The following NRK variants were observed in gnomAD, a reference collection of about 807,000 sequenced individuals.
The protein encoded by NRK is Nik related kinase, also known as nik-related protein kinase.
In NRK, 67 loss-of-function variants were observed where a neutral mutation model predicts 125.2. The ratio of observed to expected loss-of-function variants is 0.54; its 90% CI spans 0.44 to 0.66. The LOEUF (loss-of-function observed/expected upper bound fraction) is 0.66, where lower values mean the gene tolerates loss of function less well. Ranked by LOEUF, NRK falls within the 30% of genes least tolerant of loss-of-function variation. NRK has a pLI of 0.00. For synonymous variants in NRK, 458 were observed against 429.0 expected, an observed-to-expected ratio of 1.07 and a Z score of -0.84; for missense variants, 1,224 against 1,192.9, an observed-to-expected ratio of 1.03 and a Z score of -0.38.
At chrX:105,939,280 A>AT (rs1406347895) in intron 22 of NRK, among the ~76,000 whole-genome samples, 42 of 111,848 alleles carry the variant, frequency 3.8e-4, no homozygotes, top group African/African-American at 1.3e-3. Context: ...GAAATGTGTG[A>AT]TTTTTTCATG....
intron 22 of NRK, among the ~76,000 whole-genome samples, chrX:105,938,608 C>G (rs754132276): frequency 8.5e-4 from 95 of 111,798 alleles, no homozygotes; most frequent in African/African-American, 3.0e-3. Context: ...TCCTCTAACC[C>G]AAATATGTTC....
intron 2 of NRK, among the ~76,000 whole-genome samples, chrX:105,850,453 T>C (rs1016781259): frequency 8.9e-6 from 1 of 112,474 alleles, no homozygotes; most frequent in African/African-American, 3.2e-5. Context: ...TTGTTACTTA[T>C]GCAAATCTGC....
chrX:105,858,352 C>A (rs2039558457), intron 2 of NRK, among the ~76,000 whole-genome samples: 2 of 105,935 alleles, frequency 1.9e-5, no homozygotes, highest in Admixed American at 1.0e-4. Flanking sequence ...CCTCAGTAAA[C>A]CTGACCAAAA....
chrX:105,844,094 A>C (rs1199589394), intron 2 of NRK, among the ~76,000 whole-genome samples: 1 of 106,360 alleles, frequency 9.4e-6, no homozygotes, highest in Non-Finnish European at 1.9e-5. Context: ...CCCATGTCCT[A>C]GGAAACCACT....
At position 105,909,671 on chromosome X, in the gene NRK, A is replaced by C. The variant is rs1301645772; in HGVS notation, c.2030A>C (p.Gln677Pro). Reference protein sequence around the residue: ...ENLSSNRFYSQPEQAREKKSK... With the variant: ...ENLSSNRFYSPPEQAREKKSK... ...CTGTCATCAAATAGGTTTTACTCAC[A>C]ACCAGAACAGGCACGGGAGAAAAAA... is the stretch of plus-strand genomic sequence containing the variant. Residue 677 changes from glutamine (Q) to proline (P), a missense_variant, in exon 13 of 29, where the codon CAA becomes CCA. Physicochemically the swap from Gln to Pro is moderately conservative, Grantham distance 76. Coordinates refer to ENST00000243300, the MANE Select transcript of NRK (RefSeq NM_198465.4). The C allele has an allele frequency of 8.4e-7, 1 of 1,192,752 alleles. No individual in the cohort carries two copies. The highest frequency in any genetic ancestry group is 1.8e-5 in the African/African-American group (1 of 56,640).
chrX:105,862,074 G>GATCTATCTATCT (rs67834006), intron 2 of NRK, among the ~76,000 whole-genome samples: 3 of 107,067 alleles, frequency 2.8e-5, no homozygotes, highest in Admixed American at 9.8e-5. Context: ...TCTATCTATT[G>GATCTATCTATCT]ATCTATCTAT....
At chrX:105,925,471 T>C (rs190239718) in intron 19 of NRK, among the ~76,000 whole-genome samples, 11 of 111,088 alleles carry the variant, frequency 9.9e-5, no homozygotes, top group African/African-American at 3.3e-4. Flanking sequence ...ATATCCTCTC[T>C]CCTAGCTATT....
chrX:105,931,688 A>G (rs557952444), intron 19 of NRK, among the ~76,000 whole-genome samples: 1 of 110,883 alleles, frequency 9.0e-6, no homozygotes, highest in Admixed American at 9.6e-5. Context: ...ACTGCACTCC[A>G]ACACTCTCCC....
intron 27 of NRK, among the ~76,000 whole-genome samples, chrX:105,952,772 G>A (rs750031657): frequency 9.0e-6 from 1 of 111,474 alleles, no homozygotes; most frequent in Non-Finnish European, 1.9e-5. Flanking sequence ...TATGGTCTTA[G>A]AGGATATGAA....
At chrX:105,822,067 T>C (rs533079000), upstream of NRK, among the ~76,000 whole-genome samples, 2 of 112,437 alleles carry the variant, frequency 1.8e-5, no homozygotes, top group African/African-American at 6.5e-5. Flanking sequence ...GGTAGGTCTT[T>C]GCAAGAAATG....
At chrX:105,883,284 T>C (rs187040716) in intron 4 of NRK, among the ~76,000 whole-genome samples, 1 of 112,721 alleles carries the variant, frequency 8.9e-6, no homozygotes, top group Non-Finnish European at 1.9e-5. Context: ...GGCAACCCAC[T>C]CTTAAAAGGT....
At chrX:105,943,380 T>C (rs1353306112) in intron 23 of NRK, among the ~76,000 whole-genome samples, 1 of 112,254 alleles carries the variant, frequency 8.9e-6, no homozygotes, top group Non-Finnish European at 1.9e-5. Context: ...TTGATCTATA[T>C]GTCTCTCCTT....
At chrX:105,906,719 G>A in intron 11 of NRK, 130 bp downstream of exon 11, 1 of 352,406 alleles carries the variant, frequency 2.8e-6, no homozygotes, top group South Asian at 7.9e-5. Context: ...TTGATATTTA[G>A]TTTTGCCAAT....
intron 2 of NRK, among the ~76,000 whole-genome samples, chrX:105,862,092 T>C (rs1381246912): frequency 9.0e-6 from 1 of 111,237 alleles, no homozygotes; most frequent in Non-Finnish European, 1.9e-5. Context: ...TATCTATCTA[T>C]CTATCTATCT....
chrX:105,828,514 A>G (rs983418201), intron 1 of NRK, among the ~76,000 whole-genome samples: 1 of 112,331 alleles, frequency 8.9e-6, no homozygotes, highest in African/African-American at 3.2e-5. Context: ...AAGCTTGTAC[A>G]GATGTTACAA....
In NRK at chrX:105,898,589, T is replaced by C; in HGVS notation, c.586T>C (p.Phe196Leu). The change falls in exon 8 of 29, where the codon TTT becomes CTT. Residue 196 changes from phenylalanine (F) to leucine (L), a missense_variant. By Grantham distance (22) the Phe-to-Leu change is conservative. Transcript: ENST00000243300. The stretch of plus-strand genomic sequence containing the variant: ...CATATAATGATTTTTGGCAGTTGAT[T>C]TTGGAGTGAGTGCCCAGGTGAGCAG... Reference protein sequence around the residue: ...THNAEVKLVDFGVSAQVSRTN... With the variant: ...THNAEVKLVDLGVSAQVSRTN... 8.3e-7 allele frequency: 1 copy of C among 1,198,750 alleles called. No homozygotes were observed. Among genetic ancestry groups the C allele is most frequent in the Non-Finnish European group, 1.1e-6 (1 of 888,852 alleles).
intron 27 of NRK, among the ~76,000 whole-genome samples, chrX:105,951,276 C>T (rs1348614214): frequency 9.0e-6 from 1 of 110,700 alleles, no homozygotes; most frequent in Non-Finnish European, 1.9e-5. Context: ...CTGAACAAAC[C>T]CTTATATTTA....
At chrX:105,921,261 C>T (rs1485817838) in intron 16 of NRK, among the ~76,000 whole-genome samples, 1 of 101,082 alleles carries the variant, frequency 9.9e-6, no homozygotes, top group African/African-American at 3.7e-5. Context: ...TATTCTCACT[C>T]ATAGGTGGGA....
intron 27 of NRK, among the ~76,000 whole-genome samples, chrX:105,950,578 G>GTGGAGA (rs1246499599): frequency 1.1e-5 from 1 of 89,878 alleles, no homozygotes; most frequent in African/African-American, 4.2e-5. Context: ...GTGTGTGTGT[G>GTGGAGA]GAGAGAGAGA....
Sources: allele counts gnomAD v4.1 joint callset (sites outside exome capture counted in the v4.1 genomes callset), GRCh38; gene constraint gnomAD v4.1.1; transcripts MANE v1.5; gene names NCBI Gene and HGNC (gene_info 2026-07-23, HGNC 2026-07-21).